The following ZBTB47 variants were observed in gnomAD, a reference collection of about 807,000 sequenced individuals.
ZBTB47 encodes zinc finger and BTB domain-containing protein 47.
ZBTB47 carries 24 observed loss-of-function variants against 56.6 expected under a neutral mutation model. The observed-to-expected ratio is 0.42, with a 90% CI of 0.31 to 0.60. The LOEUF (loss-of-function observed/expected upper bound fraction) is 0.60. ZBTB47 is among the 20% of genes least tolerant of loss of function. The pLI is 0.14. For synonymous variants in ZBTB47, 414 were observed against 418.9 expected (o/e 0.99, Z 0.14); for missense variants, 829 against 1,032.6 (o/e 0.80, Z 2.70).
chr3:42,664,478 C>A lies in ZBTB47; in HGVS notation c.2124C>A (p.His708Gln). The A allele has an allele frequency of 6.6e-7, 1 of 1,509,458 alleles. No individual in the cohort carries two copies. The highest frequency in any genetic ancestry group is 1.3e-5 in the South Asian group (1 of 79,778). The allele number at this position is 1,509,458 out of a possible 1,614,324, so 93.5% of individuals were successfully genotyped here. A position where few individuals can be genotyped will look rare whatever the true frequency, so the allele number is the denominator to read the frequency against. Reference sequence around the variant, plus strand: ...TGCCCCCAACCCAGCCCCAGGCGCACGCACTGCCCCTGCTCCCGGGGCTGC... The same window carrying A: ...TGCCCCCAACCCAGCCCCAGGCGCAAGCACTGCCCCTGCTCCCGGGGCTGC... Reference protein sequence around the residue: ...PGLPPTQPQAHALPLLPGLPQ... With the variant: ...PGLPPTQPQAQALPLLPGLPQ... Residue 708 changes from histidine to glutamine, a missense_variant, in exon 6 of 6, where the codon CAC (histidine) becomes CAA (glutamine). Physicochemically the swap from His to Gln is conservative, Grantham distance 24. Coordinates refer to ENST00000232974, the MANE Select transcript of ZBTB47 (RefSeq NM_145166.4).
chr3:42,657,580 G>C (rs144059011), intron 1 of ZBTB47, among the ~76,000 whole-genome samples: 4 of 152,186 alleles, frequency 2.6e-5, no homozygotes, highest in Admixed American at 2.6e-4. Context: ...GGACCAGAGT[G>C]GGGAGAAGGT....
At position 42,666,452 on chromosome 3, in the gene ZBTB47, T is replaced by C. The variant is rs1051109106; in HGVS notation, c.*1854T>C. 7.2e-5 allele frequency among the ~76,000 whole-genome samples: 11 copies of C among 152,346 alleles called. No individual in the cohort carries two copies. The highest frequency in any genetic ancestry group is 1.5e-4 in the Non-Finnish European group (10 of 68,032). On this transcript the variant is annotated 3_prime_UTR_variant, in exon 6 of 6. Coordinates refer to ENST00000232974, the MANE Select transcript of ZBTB47 (RefSeq NM_145166.4). ...CTCCTTGATCTTTGGGCTTCCGTGATGTCCTCAGGGTCCCCCCCTCCCTGT... is the reference window on the plus strand; with the variant it reads ...CTCCTTGATCTTTGGGCTTCCGTGACGTCCTCAGGGTCCCCCCCTCCCTGT...
chr3:42,657,848 G>C (rs1235262103), intron 1 of ZBTB47, among the ~76,000 whole-genome samples: 1 of 152,148 alleles, frequency 6.6e-6, no homozygotes, highest in East Asian at 1.9e-4. Context: ...CCCTCCTGGG[G>C]TGACCACCTG....
In ZBTB47 at chr3:42,654,794, G is replaced by C. The variant is rs1347158703; in HGVS notation, c.-82+911G>C. ...CGGGCCCGGGTGGAGGGGCTGGAGG[G>C]ATCTTCCCCCCTCCCCCGGTCTCCC... On this transcript the variant is annotated intron_variant, in intron 1 of 5. Transcript: ENST00000232974. The surrounding 1 kb of genome is among the most constrained non-coding windows in gnomAD (Gnocchi z 5.0). The C allele has an allele frequency of 1.3e-6, 1 of 759,622 alleles. No homozygotes were observed. Among genetic ancestry groups the C allele is most frequent in the Non-Finnish European group, 1.6e-6 (1 of 623,582 alleles). 47.1% of individuals were successfully genotyped at this position (759,622 alleles called of 1,614,324 possible).
Position 42,658,262 on chromosome 3 carries a change from T to C in ZBTB47, c.-81-13T>C. On this transcript the variant is annotated splice_polypyrimidine_tract_variant and intron_variant, in intron 1 of 5. Transcript: ENST00000232974. ...CTGGCCTTGACCCACTCCTGTGCCC[T>C]CTGTCCCCGCAGTTGCTGGTTGAGA... 6.8e-7 allele frequency: 1 copy of C among 1,464,640 alleles called. No homozygotes were observed. The highest frequency in any genetic ancestry group is 1.4e-5 in the African/African-American group (1 of 71,120). 90.7% of individuals were successfully genotyped at this position (1,464,640 alleles called of 1,614,324 possible). A position where few individuals can be genotyped will look rare whatever the true frequency, so the allele number is the denominator to read the frequency against.
At position 42,664,151 on chromosome 3, in the gene ZBTB47, A is replaced by G. The variant is rs339718; in HGVS notation, c.1883-86A>G. On this transcript the variant is annotated intron_variant, in intron 5 of 5. Transcript: ENST00000232974. The stretch of plus-strand genomic sequence containing the variant: ...GAGAGCGCCGGGGCTGGGCCCCACT[A>G]TGGCTCCATGGGAGACGGAGGCTGG... The G allele has an allele frequency of 1.5e-3, 2,279 of 1,551,634 alleles. 36 individuals are homozygous for G. In the African/African-American group the frequency reaches 0.028, roughly 19 times the overall value.
chr3:42,663,146 C>T lies in ZBTB47; in HGVS notation c.1737+19C>T. 6.3e-7 allele frequency: 1 copy of T among 1,584,336 alleles called. No homozygotes were observed. The highest frequency in any genetic ancestry group is 1.3e-5 in the African/African-American group (1 of 74,386). On this transcript the variant is annotated intron_variant, in intron 4 of 5. Coordinates refer to ENST00000232974, the MANE Select transcript of ZBTB47 (RefSeq NM_145166.4). The surrounding 1 kb of genome is among the most constrained non-coding windows in gnomAD (Gnocchi z 5.1). ...ATGTGAGGTGAGCTTCCATCTCCTG[C>T]CTGGCCTGCCCGAGGGGTCACCTGG...
rs1710792248 is a variant in ZBTB47, at chr3:42,666,588, G to T, written c.*1990G>T. 6.6e-6 allele frequency among the ~76,000 whole-genome samples: 1 copy of T among 152,168 alleles called. No homozygotes were observed. The highest frequency in any genetic ancestry group is 6.5e-5 in the Admixed American group (1 of 15,284). ...GGGCTGTAGGCAGGGTCCTCCATGGGTTTCCAACCCCCATCACTGGCACCA... is the reference window on the plus strand; with the variant it reads ...GGGCTGTAGGCAGGGTCCTCCATGGTTTTCCAACCCCCATCACTGGCACCA... On this transcript the variant is annotated 3_prime_UTR_variant, in exon 6 of 6. Coordinates refer to ENST00000232974, the MANE Select transcript of ZBTB47 (RefSeq NM_145166.4).
At position 42,658,810 on chromosome 3, in the gene ZBTB47, C is replaced by G. The variant is rs1354208924; in HGVS notation, c.455C>G (p.Pro152Arg). Residue 152 changes from proline (P) to arginine (R), a missense_variant, in exon 2 of 6, where the codon CCC (proline) becomes CGC (arginine). Physicochemically the swap from Pro to Arg is moderately radical, Grantham distance 103. Transcript: ENST00000232974. Reference sequence around the variant, plus strand: ...CAGGAGGCCGACACCCCAGGCCTGCCCAAGATCTATGCCCGCGAGGGCCCT... The same window carrying G: ...CAGGAGGCCGACACCCCAGGCCTGCGCAAGATCTATGCCCGCGAGGGCCCT... ...IKQEADTPGL[P>R]KIYAREGPDP... The G allele has an allele frequency of 6.5e-7, 1 of 1,533,948 alleles. No individual in the cohort carries two copies. The highest frequency in any genetic ancestry group is 8.7e-7 in the Non-Finnish European group (1 of 1,145,754).
chr3:42,666,856 C>G lies in ZBTB47; in HGVS notation c.*2258C>G, dbSNP rs1318335290. ...CTGACCAGACAGCTTGACAGCTGGT[C>G]AAGACGGTCACGGGAGCTCTAGGTG... On this transcript the variant is annotated 3_prime_UTR_variant, in exon 6 of 6. Transcript: ENST00000232974. Among the ~76,000 whole-genome samples the G allele has an allele frequency of 6.6e-6, 1 of 152,172 alleles. No individual in the cohort carries two copies. Among genetic ancestry groups the G allele is most frequent in the African/African-American group, 2.4e-5 (1 of 41,452 alleles).
In ZBTB47 at chr3:42,654,083, G is replaced by A. The variant is rs1267569422; in HGVS notation, c.-82+200G>A. The A allele has an allele frequency of 1.3e-5, 2 of 152,304 alleles. No homozygotes were observed. The highest frequency in any genetic ancestry group is 2.9e-5 in the Non-Finnish European group (2 of 68,158). 9.4% of individuals were successfully genotyped at this position (152,304 alleles called of 1,614,324 possible). A position where few individuals can be genotyped will look rare whatever the true frequency, so the allele number is the denominator to read the frequency against. On this transcript the variant is annotated intron_variant, in intron 1 of 5. Coordinates refer to ENST00000232974, the MANE Select transcript of ZBTB47 (RefSeq NM_145166.4). This position sits in a 1 kb window ranked among gnomAD's most constrained non-coding sequence, Gnocchi z 5.0. ...AGTCCCTCAGCGTGGGATCCCTCAGGGGAGCGGGTGGAAGCCTTTTCTGTT... is the reference window on the plus strand; with the variant it reads ...AGTCCCTCAGCGTGGGATCCCTCAGAGGAGCGGGTGGAAGCCTTTTCTGTT...
At chr3:42,658,164 C>G (rs146387337) in intron 1 of ZBTB47, 111 bp from the exon 2 acceptor site, 1 of 1,213,038 alleles carries the variant, frequency 8.2e-7, no homozygotes, top group South Asian at 1.6e-5. Context: ...AGTGGAGCCA[C>G]GAGTGATGGG....
intron 1 of ZBTB47, among the ~76,000 whole-genome samples, chr3:42,655,053 G>A (rs1038122381): frequency 3.5e-4 from 54 of 152,128 alleles, no homozygotes; most frequent in Non-Finnish European, 4.4e-5. Flanking sequence ...GGGCGCTGGA[G>A]CCGCCCTGCC....
At position 42,662,995 on chromosome 3, in the gene ZBTB47, T is replaced by C; in HGVS notation, c.1622-17T>C. The C allele has an allele frequency of 6.3e-7, 1 of 1,598,812 alleles. No individual in the cohort carries two copies. The highest frequency in any genetic ancestry group is 2.2e-5 in the East Asian group (1 of 44,698). ...GCAGGCCCGTAAAACATGATGGCCC[T>C]GGTGCCCACCTCGTAGCCCACACCA... is the stretch of plus-strand genomic sequence containing the variant. On this transcript the variant is annotated splice_polypyrimidine_tract_variant and intron_variant, in intron 3 of 5. Coordinates refer to ENST00000232974, the MANE Select transcript of ZBTB47 (RefSeq NM_145166.4).
At position 42,658,602 on chromosome 3, in the gene ZBTB47, G is replaced by A. The variant is rs943158029; in HGVS notation, c.247G>A (p.Ala83Thr). Residue 83 changes from alanine to threonine, a missense_variant, in exon 2 of 6, where the codon GCG (alanine) becomes ACG (threonine). Ala to Thr is a moderately conservative substitution (Grantham distance 58). Around this residue, in one of 6 missense-constraint regions of ZBTB47, gnomAD observed 120 missense variants for 200.2 expected, o/e 0.60. Transcript: ENST00000232974. Reference protein sequence around the residue: ...FIYTSKLLVNAANVHEVLSAA... With the variant: ...FIYTSKLLVNTANVHEVLSAA... ...CTATACGTCCAAGCTGCTGGTCAAC[G>A]CGGCCAACGTCCACGAGGTGCTCAG... 5.2e-6 allele frequency: 8 copies of A among 1,537,002 alleles called. No individual in the cohort carries two copies. Among genetic ancestry groups the A allele is most frequent in the Admixed American group, 2.0e-5 (1 of 51,008 alleles).
intron 3 of ZBTB47, 144 bp from the exon 4 acceptor site, chr3:42,662,868 A>G (rs1710737748): frequency 1.7e-6 from 1 of 592,254 alleles, no homozygotes; most frequent in Non-Finnish European, 3.1e-6. Context: ...CCTGGGAATC[A>G]GCACAGGTCC....
At position 42,664,433 on chromosome 3, in the gene ZBTB47, C is replaced by T. The variant is rs569497169; in HGVS notation, c.2079C>T (p.Gly693=). ...TCAGCCACACCCTGGCCGGCGACGG[C>T]GTCCCCGCTGCCCCAGGCCTGCCCC... The part of the protein sequence containing the change: ...FRVSHTLAGD[G]VPAAPGLPPT... The change falls in exon 6 of 6, where the codon GGC becomes GGT. Residue 693 remains glycine (G), a synonymous_variant. Coordinates refer to ENST00000232974, the MANE Select transcript of ZBTB47 (RefSeq NM_145166.4). 7.2e-4 allele frequency: 1,100 copies of T among 1,538,042 alleles called. 4 individuals are homozygous for T. Among genetic ancestry groups the T allele is most frequent in the Middle Eastern group, 6.7e-3 (40 of 5,932 alleles).
chr3:42,664,817 C>G lies in ZBTB47; in HGVS notation c.*219C>G, dbSNP rs964771512. 3.6e-5 allele frequency: 15 copies of G among 421,572 alleles called. No individual in the cohort carries two copies. Among genetic ancestry groups the G allele is most frequent in the Admixed American group, 2.7e-4 (6 of 22,316 alleles). 26.1% of individuals were successfully genotyped at this position (421,572 alleles called of 1,614,324 possible). On this transcript the variant is annotated 3_prime_UTR_variant, in exon 6 of 6. Transcript: ENST00000232974. ...GGCATCTCACTCCCAAGTGCCCCCC[C>G]TTTCTGTGACTCCTTGAAGCCTTTA... is the stretch of plus-strand genomic sequence containing the variant.
In ZBTB47 at chr3:42,658,337, G is replaced by T; in HGVS notation, c.-19G>T. On this transcript the variant is annotated 5_prime_UTR_variant, in exon 2 of 6. Transcript: ENST00000232974. ...AGTTCTCGCTGGTGGAGGACGTGGC[G>T]CTGCACTTTGCCTGCTTGATGGGCC... is the stretch of plus-strand genomic sequence containing the variant. 1 of 1,522,486 alleles carries T rather than the reference G, an allele frequency of 6.6e-7. No homozygotes were observed. Among genetic ancestry groups the T allele is most frequent in the African/African-American group, 1.4e-5 (1 of 72,926 alleles). The allele number at this position is 1,522,486 out of a possible 1,614,324, so 94.3% of individuals were successfully genotyped here.
Sources: allele counts gnomAD v4.1 joint callset (sites outside exome capture counted in the v4.1 genomes callset), GRCh38; gene constraint gnomAD v4.1.1; regional missense constraint gnomAD v4.1.1; non-coding constraint Gnocchi (gnomAD v3.1); transcripts MANE v1.5; gene names NCBI Gene and HGNC (gene_info 2026-07-23, HGNC 2026-07-21).